Variants in CFAP58 observed in about 807,000 individuals in gnomAD.
The protein encoded by CFAP58 is cilia and flagella associated protein 58.
A neutral mutation model predicts 119.5 loss-of-function variants in CFAP58; 88 were observed. The ratio of observed to expected loss-of-function variants is 0.74; its 90% CI spans 0.62 to 0.88. CFAP58 has a LOEUF of 0.88. CFAP58 is among the 40% of genes least tolerant of loss of function. CFAP58 has a pLI of 0.00. For missense variants in CFAP58, 990 were observed against 1,021.2 expected (o/e 0.97, Z 0.42); for synonymous variants, 365 against 366.3 (o/e 1.00, Z 0.04).
At position 104,365,618 on chromosome 10, in the gene CFAP58, G is replaced by T. The variant is rs190210973; in HGVS notation, c.598-196G>T. ...ATCAGGGTAGTCATTTGATTTCAAG[G>T]CCCCAAGAAACAGTATAGAATATTC... On this transcript the variant is annotated intron_variant, in intron 4 of 17. Transcript: ENST00000369704. Among the ~76,000 whole-genome samples, 3 of 152,162 alleles carry T rather than the reference G, an allele frequency of 2.0e-5. No homozygotes were observed. In the East Asian group the frequency reaches 5.8e-4, roughly 30 times the overall value.
rs891905539 is a variant in CFAP58 at position 104,358,513 on chromosome 10, T to G, written c.182T>G (p.Met61Arg). 3 of 1,614,072 alleles carry G rather than the reference T, an allele frequency of 1.9e-6. No homozygotes were observed. Among genetic ancestry groups the G allele is most frequent in the Non-Finnish European group, 2.5e-6 (3 of 1,180,038 alleles). The part of the protein sequence containing the change: ...KKSYDNEKRL[M>R]AKCRELNAEI... ...TCTTATGACAATGAAAAGCGTCTGA[T>G]GGCCAAATGCAGAGAGCTAAATGCA... is the stretch of plus-strand genomic sequence containing the variant. Residue 61 changes from methionine to arginine, a missense_variant, in exon 2 of 18, where the codon ATG (methionine) becomes AGG (arginine). By Grantham distance (91) the Met-to-Arg change is moderately conservative. Coordinates refer to ENST00000369704, the MANE Select transcript of CFAP58 (RefSeq NM_001008723.2).
chr10:104,447,730 C>T lies in CFAP58; in HGVS notation c.2289C>T (p.His763=), dbSNP rs748090208. ...EKEKLYMELK[H]VLARQPGPEA... is the part of the protein sequence containing the mutation. ...AGAAACTCTACATGGAACTAAAGCA[C>T]GTCTTGGCCCGCCAGCCTGGACCTG... is the stretch of plus-strand genomic sequence containing the variant. Residue 763 remains histidine, a synonymous_variant, in exon 16 of 18, where the codon CAC becomes CAT. Transcript: ENST00000369704. 9.3e-6 allele frequency: 15 copies of T among 1,614,058 alleles called. No homozygotes were observed. The African/African-American group carries it at 9.3e-5, about 10-fold the overall frequency.
intron 16 of CFAP58, among the ~76,000 whole-genome samples, 158 bp downstream of exon 16, chr10:104,447,975 A>T (rs1254963140): frequency 2.0e-5 from 3 of 152,222 alleles, no homozygotes; most frequent in Non-Finnish European, 4.4e-5. Flanking sequence ...ATGAGCCAGC[A>T]GACCTCAGAG....
At chr10:104,426,752 G>T (rs1225745853) in intron 15 of CFAP58, among the ~76,000 whole-genome samples, 1 of 152,120 alleles carries the variant, frequency 6.6e-6, no homozygotes, top group African/African-American at 2.4e-5. Flanking sequence ...CCGGCATGTT[G>T]AGAGCTATTG....
At chr10:104,443,860 C>T (rs2013075468) in intron 15 of CFAP58, among the ~76,000 whole-genome samples, 1 of 152,188 alleles carries the variant, frequency 6.6e-6, no homozygotes, top group African/African-American at 2.4e-5. Context: ...GAAGCTAATA[C>T]TGTAATTAAT....
intron 15 of CFAP58, among the ~76,000 whole-genome samples, chr10:104,425,893 G>A (rs116084587): frequency 0.022 from 3,326 of 152,276 alleles, 66 homozygotes; most frequent in South Asian, 0.054. Flanking sequence ...ATGTTGGTAA[G>A]GGACAGGCTC....
chr10:104,375,927 G>T lies in CFAP58; in HGVS notation c.1091-884G>T, dbSNP rs575725074. Among the ~76,000 whole-genome samples, 35 of 152,238 alleles carry T rather than the reference G, an allele frequency of 2.3e-4. 1 individual carries two copies. The highest frequency in any genetic ancestry group is 7.7e-4 in the African/African-American group (32 of 41,562). On this transcript the variant is annotated intron_variant, in intron 7 of 17. Coordinates refer to ENST00000369704, the MANE Select transcript of CFAP58 (RefSeq NM_001008723.2). Reference sequence around the variant, plus strand: ...GACTGTGGAGACCAAGTTTTATTGTGCAGAGGAAGCTTTCAGATAGCAGAC... The same window carrying T: ...GACTGTGGAGACCAAGTTTTATTGTTCAGAGGAAGCTTTCAGATAGCAGAC...
intron 15 of CFAP58, among the ~76,000 whole-genome samples, chr10:104,429,976 A>G (rs2012817899): frequency 6.6e-6 from 1 of 151,876 alleles, no homozygotes; most frequent in Non-Finnish European, 1.5e-5. Flanking sequence ...GCACCTGCAG[A>G]GTCATTCCCT....
chr10:104,446,112 G>GT (rs1292279887), intron 15 of CFAP58, among the ~76,000 whole-genome samples: 1 of 152,174 alleles, frequency 6.6e-6, no homozygotes, highest in Non-Finnish European at 1.5e-5. Flanking sequence ...TGTCAGAAGT[G>GT]TTATTTTCCC....
At position 104,406,799 on chromosome 10, in the gene CFAP58, A is replaced by T. The variant is rs1470486928; in HGVS notation, c.2256+6A>T. ...AAAAAGAGCTGCTCCTCCAGGTAGC[A>T]TTTTTGTTTTCTGTACTCATTGTAC... On this transcript the variant is annotated splice_donor_region_variant and intron_variant, in intron 15 of 17. Coordinates refer to ENST00000369704, the MANE Select transcript of CFAP58 (RefSeq NM_001008723.2). 1 of 1,613,018 alleles carries T rather than the reference A, an allele frequency of 6.2e-7. No individual in the cohort carries two copies. Among genetic ancestry groups the T allele is most frequent in the Admixed American group, 1.7e-5 (1 of 60,024 alleles).
At chr10:104,363,537 C>T (rs2014700295) in intron 3 of CFAP58, among the ~76,000 whole-genome samples, 1 of 152,144 alleles carries the variant, frequency 6.6e-6, no homozygotes, top group Non-Finnish European at 1.5e-5. Context: ...ATATTCAGAG[C>T]AACTACTGAA....
intron 7 of CFAP58, among the ~76,000 whole-genome samples, chr10:104,374,677 A>G (rs2014867102): frequency 6.6e-6 from 1 of 151,972 alleles, no homozygotes; most frequent in Non-Finnish European, 1.5e-5. Context: ...AAAGAGAATG[A>G]TGATATCCAG....
In CFAP58 at chr10:104,402,282, G is replaced by T. The variant is rs183638291; in HGVS notation, c.2039+1379G>T. On this transcript the variant is annotated intron_variant, in intron 13 of 17. Transcript: ENST00000369704. ...GTCAAATACGGTAGCTAATATTTCT[G>T]CCCTCCCCTTCTGATGACATTCTAG... Among the ~76,000 whole-genome samples, 443 of 152,266 alleles carry T rather than the reference G, an allele frequency of 2.9e-3. 4 individuals carry two copies. The highest frequency in any genetic ancestry group is 4.6e-3 in the Non-Finnish European group (312 of 68,010).
At chr10:104,383,344 CTTTA>C (rs2011856079) in intron 9 of CFAP58, among the ~76,000 whole-genome samples, 1 of 152,126 alleles carries the variant, frequency 6.6e-6, no homozygotes, top group Non-Finnish European at 1.5e-5. Context: ...GGGGCAAGGA[CTTTA>C]TTTCATTCAT....
At chr10:104,346,715 A>G in the CFAP58 span, among the ~76,000 whole-genome samples, 27 of 138,794 alleles carry the variant, frequency 1.9e-4, 2 homozygotes, top group African/African-American at 7.5e-4. Context: ...GGCTCACTGC[A>G]ACCTCCGCCT....
chr10:104,404,206 C>A (rs1399969244), intron 14 of CFAP58, among the ~76,000 whole-genome samples: 1 of 152,202 alleles, frequency 6.6e-6, no homozygotes, highest in Non-Finnish European at 1.5e-5. Context: ...TCACCAGCAT[C>A]TCCACCATCT....
chr10:104,362,281 A>T, intron 3 of CFAP58, 110 bp downstream of exon 3: 1 of 895,728 alleles, frequency 1.1e-6, no homozygotes, highest in Non-Finnish European at 1.6e-6. Flanking sequence ...GTGATACAAG[A>T]CTCTTCTTTA....
chr10:104,386,304 G>A (rs186125571), intron 9 of CFAP58, among the ~76,000 whole-genome samples: 249 of 151,360 alleles, frequency 1.6e-3, no homozygotes, highest in African/African-American at 5.1e-3. Context: ...CTTGAACCTG[G>A]GAGGTGAGGT....
chr10:104,338,575 G>A, the CFAP58 span, among the ~76,000 whole-genome samples: 1 of 148,480 alleles, frequency 6.7e-6, no homozygotes, highest in Non-Finnish European at 1.5e-5. Flanking sequence ...TTGGGCCCAG[G>A]ATCCGCCGGG....
Sources: allele counts gnomAD v4.1 joint callset (sites outside exome capture counted in the v4.1 genomes callset), GRCh38; gene constraint gnomAD v4.1.1; transcripts MANE v1.5; gene names NCBI Gene and HGNC (gene_info 2026-07-23, HGNC 2026-07-21).